The following RAG1 variants were observed in gnomAD, a reference collection of about 807,000 sequenced individuals.
RAG1 encodes recombination activating 1, also known as V(D)J recombination-activating protein 1.
In RAG1, 35 loss-of-function variants were observed where a neutral mutation model predicts 62.7. The observed-to-expected ratio is 0.56, with a 90% CI of 0.43 to 0.74. The LOEUF (loss-of-function observed/expected upper bound fraction) is 0.74. Ranked by LOEUF, RAG1 falls within the 30% of genes least tolerant of loss-of-function variation. The probability of loss-of-function intolerance (pLI) is 0.00; values close to 1 mark genes in which losing one functional copy is unlikely to be tolerated. For missense variants in RAG1, 1,169 were observed against 1,278.6 expected, an observed-to-expected ratio of 0.91 and a Z score of 1.31; for synonymous variants, 461 against 470.3, an observed-to-expected ratio of 0.98 and a Z score of 0.26.
chr11:36,563,959 C>T (rs1475620118), upstream of RAG1, among the ~76,000 whole-genome samples: 1 of 152,156 alleles, frequency 6.6e-6, no homozygotes, highest in Non-Finnish European at 1.5e-5. Flanking sequence ...AGGTCATGTT[C>T]CTCCTATGTC....
At chr11:36,568,613 A>C (rs1850693343) in intron 1 of RAG1, among the ~76,000 whole-genome samples, 1 of 152,238 alleles carries the variant, frequency 6.6e-6, no homozygotes, top group African/African-American at 2.4e-5. Flanking sequence ...TGAATGTTTA[A>C]AAATGCAATT....
chr11:36,576,447 C>G lies in RAG1; in HGVS notation c.*11C>G. ...TCAATGGAATTTTAAGTAGGGCAAC[C>G]ACTTATGAGTTGGTTTTTGCAATTG... On this transcript the variant is annotated 3_prime_UTR_variant, in exon 2 of 2. Coordinates refer to ENST00000299440, the MANE Select transcript of RAG1 (RefSeq NM_000448.3). 1 of 1,613,854 alleles carries G rather than the reference C, an allele frequency of 6.2e-7. No individual in the cohort carries two copies.
rs186056849 is a variant in RAG1, at chr11:36,519,381, G to A, written n.331-751G>A. Among the ~76,000 whole-genome samples, 98 of 152,304 alleles carry A rather than the reference G, an allele frequency of 6.4e-4. No homozygotes were observed. The South Asian group carries it at 0.015, about 23-fold the overall frequency. ...AAACTGAAATTCAACAGCTTTAGTT[G>A]CATTGCTCTTAAAGTCACTTATATT... On this transcript the variant is annotated intron_variant and non_coding_transcript_variant, in intron 1 of 2. Coordinates refer to the RAG1 transcript ENST00000529126.
Position 36,573,964 on chromosome 11 carries a change from A to C in RAG1, c.660A>C (p.Gly220=), listed in dbSNP as rs902312717. The change falls in exon 2 of 2, where the codon GGA becomes GGC. Residue 220 remains glycine, a synonymous_variant. Transcript: ENST00000299440. The part of the protein sequence containing the change: ...SCDICNTARR[G]LKRKSLQPNL... ...ACATCTGCAACACTGCCCGTCGGGG[A>C]CTCAAGAGGAAGAGTCTTCAGCCAA... The C allele has an allele frequency of 1.9e-6, 3 of 1,613,934 alleles. No homozygotes were observed. The highest frequency in any genetic ancestry group is 2.7e-5 in the African/African-American group (2 of 74,874).
rs1478726488 is a variant in RAG1, at chr11:36,575,987, G to C, written c.2683G>C (p.Val895Leu). Reference protein sequence around the residue: ...LMDLYLKMKPVWRSSCPAKEC... With the variant: ...LMDLYLKMKPLWRSSCPAKEC... ...GGATCTTTACCTGAAGATGAAACCAGTATGGCGATCATCATGCCCTGCTAA... is the reference window on the plus strand; with the variant it reads ...GGATCTTTACCTGAAGATGAAACCACTATGGCGATCATCATGCCCTGCTAA... The change falls in exon 2 of 2, where the codon GTA becomes CTA. Residue 895 changes from valine to leucine, a missense_variant. This residue lies in a region of RAG1 where 800 missense variants were observed against 943.3 expected (regional missense o/e 0.85). Coordinates refer to ENST00000299440, the MANE Select transcript of RAG1 (RefSeq NM_000448.3). The surrounding 1 kb of genome is among the most constrained non-coding windows in gnomAD (Gnocchi z 4.1). 1 of 1,614,060 alleles carries C rather than the reference G, an allele frequency of 6.2e-7. No individual in the cohort carries two copies. The highest frequency in any genetic ancestry group is 1.3e-5 in the African/African-American group (1 of 74,924).
At chr11:36,551,797 C>T (rs1185069396) in intron 3 of RAG1, among the ~76,000 whole-genome samples, 3 of 144,084 alleles carry the variant, frequency 2.1e-5, no homozygotes, top group Non-Finnish European at 4.5e-5. Context: ...GTGATATTCC[C>T]CTTCCTGTGT....
At chr11:36,517,642 C>T (rs1032338869) in intron 1 of RAG1, among the ~76,000 whole-genome samples, 1 of 152,176 alleles carries the variant, frequency 6.6e-6, no homozygotes, top group Non-Finnish European at 1.5e-5. Flanking sequence ...TTGCCTCTCT[C>T]ATATGGTGTG....
intron 3 of RAG1, among the ~76,000 whole-genome samples, chr11:36,545,998 G>A (rs1430251610): frequency 2.0e-5 from 3 of 152,166 alleles, no homozygotes; most frequent in Non-Finnish European, 2.9e-5. Context: ...GCTGAGGACT[G>A]TTTTACTACC....
intron 2 of RAG1, among the ~76,000 whole-genome samples, chr11:36,534,527 A>G (rs528983099): frequency 6.6e-6 from 1 of 152,336 alleles, no homozygotes; most frequent in East Asian, 1.9e-4. Flanking sequence ...ACAATTTGCC[A>G]TACTGGATAT....
downstream of RAG1, among the ~76,000 whole-genome samples, chr11:36,537,657 G>T (rs1179173969): frequency 6.6e-6 from 1 of 152,090 alleles, no homozygotes; most frequent in Non-Finnish European, 1.5e-5. Flanking sequence ...GCCTTGAGGA[G>T]ATTTCTGATC....
Position 36,575,140 on chromosome 11 carries a change from T to A in RAG1, c.1836T>A (p.His612Gln). 3 of 1,614,090 alleles carry A rather than the reference T, an allele frequency of 1.9e-6. No individual in the cohort carries two copies. The highest frequency in any genetic ancestry group is 2.2e-5 in the South Asian group (2 of 91,082). The change falls in exon 2 of 2, where the codon CAT becomes CAA. Residue 612 changes from histidine to glutamine, a missense_variant. His to Gln is a conservative substitution (Grantham distance 24). Transcript: ENST00000299440. The surrounding 1 kb of genome is among the most constrained non-coding windows in gnomAD (Gnocchi z 4.1). ...GAATGGGAGACGTGAGTGAGAAGCA[T>A]GGGAGTGGGCCTGTAGTTCCAGAAA... ...CDGMGDVSEKHGSGPVVPEKA... is the reference protein window; with the variant it reads ...CDGMGDVSEKQGSGPVVPEKA...
At chr11:36,561,555 A>G (rs1396981855) in intron 3 of RAG1, among the ~76,000 whole-genome samples, 2 of 152,210 alleles carry the variant, frequency 1.3e-5, no homozygotes, top group Non-Finnish European at 2.9e-5. Context: ...AATGATATTA[A>G]CATTTAAACT....
Position 36,574,116 on chromosome 11 carries a change from A to G in RAG1, c.812A>G (p.Lys271Arg). Residue 271 changes from lysine to arginine, a missense_variant, in exon 2 of 2, where the codon AAG (lysine) becomes AGG (arginine). Around this residue, in one of 2 missense-constraint regions of RAG1, gnomAD observed 369 missense variants for 335.3 expected, o/e 1.10. Transcript: ENST00000299440. ...DVMKKIANCS[K>R]IHLSTKLLAV... is the part of the protein sequence containing the mutation. ...ATGAAGAAGATCGCCAACTGCAGTAAGATACATCTTAGTACCAAGCTCCTT... is the reference window on the plus strand; with the variant it reads ...ATGAAGAAGATCGCCAACTGCAGTAGGATACATCTTAGTACCAAGCTCCTT... The G allele has an allele frequency of 6.2e-7, 1 of 1,614,238 alleles. No individual in the cohort carries two copies. Among genetic ancestry groups the G allele is most frequent in the Non-Finnish European group, 8.5e-7 (1 of 1,180,048 alleles).
chr11:36,533,507 C>G (rs1373975931), intron 2 of RAG1, among the ~76,000 whole-genome samples: 1 of 152,148 alleles, frequency 6.6e-6, no homozygotes, highest in Non-Finnish European at 1.5e-5. Flanking sequence ...CTTTTGTGAA[C>G]TCAAAGACTT....
At chr11:36,548,862 A>G (rs1054463701) in intron 3 of RAG1, among the ~76,000 whole-genome samples, 17 of 152,206 alleles carry the variant, frequency 1.1e-4, no homozygotes, top group Non-Finnish European at 1.5e-5. Context: ...ACCCTACCTG[A>G]CTTCAAACTA....
chr11:36,526,153 T>C (rs1860158780), intron 2 of RAG1, among the ~76,000 whole-genome samples: 1 of 152,204 alleles, frequency 6.6e-6, no homozygotes, highest in Non-Finnish European at 1.5e-5. Context: ...GTTACATAGG[T>C]ATACATGTGC....
rs1283464093 is a variant in RAG1 at position 36,576,766 on chromosome 11, T to C, written c.*330T>C. 6.5e-6 allele frequency: 2 copies of C among 307,740 alleles called. No homozygotes were observed. Among genetic ancestry groups the C allele is most frequent in the Non-Finnish European group, 1.3e-5 (2 of 155,964 alleles). The allele number at this position is 307,740 out of a possible 1,614,324, so 19.1% of individuals were successfully genotyped here. A position where few individuals can be genotyped will look rare whatever the true frequency, so the allele number is the denominator to read the frequency against. On this transcript the variant is annotated 3_prime_UTR_variant, in exon 2 of 2. Coordinates refer to ENST00000299440, the MANE Select transcript of RAG1 (RefSeq NM_000448.3). The stretch of plus-strand genomic sequence containing the variant: ...GTCATGTAAATCAAAGCCAAGGTTG[T>C]CAAAGAACAGCCAGTGAGGCCAGGA...
chr11:36,534,115 T>C (rs906779441), intron 2 of RAG1, among the ~76,000 whole-genome samples: 1 of 152,114 alleles, frequency 6.6e-6, no homozygotes, highest in Non-Finnish European at 1.5e-5. Context: ...TTTATATCTA[T>C]TTCATATTTA....
intron 2 of RAG1, among the ~76,000 whole-genome samples, chr11:36,525,807 T>C (rs1860153155): frequency 2.0e-5 from 3 of 152,174 alleles, no homozygotes; most frequent in Admixed American, 1.3e-4. Flanking sequence ...TTTTTGTGAA[T>C]TCTATGAGAT....
Sources: gnomAD v4.1 joint callset for allele counts (sites outside exome capture counted in the v4.1 genomes callset) on GRCh38, gnomAD v4.1.1 for gene constraint, gnomAD v4.1.1 regional missense constraint, Gnocchi (gnomAD v3.1) non-coding constraint, MANE v1.5 for transcripts, NCBI Gene and HGNC (gene_info 2026-07-23, HGNC 2026-07-21) for gene names.